Variants in PCDHGA6 observed in about 807,000 individuals in gnomAD.
PCDHGA6 encodes the protein protocadherin gamma subfamily A, 6, also known as protocadherin gamma-A6.
Under a neutral mutation model 60.6 loss-of-function variants are expected in PCDHGA6, and 41 were observed. That is an observed-to-expected ratio of 0.68 (90% CI 0.53 to 0.88). The LOEUF is 0.88. PCDHGA6 is among the 40% of genes least tolerant of loss of function. The pLI, the probability that PCDHGA6 is intolerant of heterozygous loss-of-function variation, is 0.00. For synonymous variants in PCDHGA6, 594 were observed against 524.4 expected (o/e 1.13, Z -1.81); for missense variants, 1,312 against 1,203.0 (o/e 1.09, Z -1.34).
chr5:141,489,312 G>A lies in PCDHGA6; in HGVS notation c.2425-5495G>A, dbSNP rs745541067. The A allele has an allele frequency of 2.5e-6, 4 of 1,594,972 alleles. No homozygotes were observed. The highest frequency in any genetic ancestry group is 2.6e-6 in the Non-Finnish European group (3 of 1,169,822). On this transcript the variant is annotated intron_variant, in intron 1 of 3. Transcript: ENST00000517434. This position sits in a 1 kb window ranked among gnomAD's most constrained non-coding sequence, Gnocchi z 4.5. ...TGTGCATGTTGTCCTTGTGCTGCTG[G>A]GGCTGGGTGTCTGGGCAGCTTCGTT...
chr5:141,390,340 A>T (rs762864171), intron 1 of PCDHGA6: 2 of 1,586,842 alleles, frequency 1.3e-6, no homozygotes, highest in South Asian at 2.3e-5. Context: ...CCATATTCAC[A>T]AGAAAATATA....
chr5:141,416,223 A>AT, intron 1 of PCDHGA6: 1 of 152,302 alleles, frequency 6.6e-6, no homozygotes, highest in East Asian at 1.9e-4. Flanking sequence ...GTATGCTTAG[A>AT]TTTTTCCAGC....
intron 1 of PCDHGA6, among the ~76,000 whole-genome samples, chr5:141,494,392 A>C (rs1296077484): frequency 1.3e-5 from 2 of 152,258 alleles, no homozygotes; most frequent in East Asian, 3.9e-4. Flanking sequence ...GAGTTGAATA[A>C]ATTCATTCTA....
rs761483041 is a variant in PCDHGA6, at chr5:141,376,059, C to A, written c.1976C>A (p.Thr659Lys). The A allele has an allele frequency of 6.2e-7, 1 of 1,613,280 alleles. No individual in the cohort carries two copies. The highest frequency in any genetic ancestry group is 1.7e-5 in the Admixed American group (1 of 59,992). The stretch of plus-strand genomic sequence containing the variant: ...CAGCCCCCTCTCTCCGCCACTGTCA[C>A]GCTCACCGTGGCCGTGGCCGACAGG... Reference protein sequence around the residue: ...HGQPPLSATVTLTVAVADRIP... With the variant: ...HGQPPLSATVKLTVAVADRIP... Residue 659 changes from threonine to lysine, a missense_variant, in exon 1 of 4, where the codon ACG becomes AAG. By Grantham distance (78) the Thr-to-Lys change is moderately conservative. Transcript: ENST00000517434.
intron 1 of PCDHGA6, among the ~76,000 whole-genome samples, chr5:141,454,796 ATTTTTTTTT>A (rs61612330): frequency 1.2e-4 from 9 of 77,408 alleles, no homozygotes; most frequent in Admixed American, 5.4e-4. Context: ...CATGGTTCTA[ATTTTTTTTT>A]TTTTTTTTTT....
At chr5:141,400,192 G>A (rs1411721247) in intron 1 of PCDHGA6, 1 of 1,614,088 alleles carries the variant, frequency 6.2e-7, no homozygotes, top group South Asian at 1.1e-5. Context: ...GTTTTACCTA[G>A]TGGTGGCCTT....
intron 1 of PCDHGA6, chr5:141,408,220 G>T: frequency 6.4e-7 from 1 of 1,558,994 alleles, no homozygotes; most frequent in Admixed American, 1.9e-5. Flanking sequence ...GGAGCTGCGC[G>T]CAGAGGCGCC....
chr5:141,410,158 G>T (rs755466762), intron 1 of PCDHGA6: 2 of 1,613,516 alleles, frequency 1.2e-6, no homozygotes, highest in Non-Finnish European at 8.5e-7. Context: ...GTGGACAGCC[G>T]CCACTCTCTG....
At position 141,430,258 on chromosome 5, in the gene PCDHGA6, A is replaced by G. The variant is rs542653323; in HGVS notation, c.2424+53751A>G. On this transcript the variant is annotated intron_variant, in intron 1 of 3. Coordinates refer to ENST00000517434, the MANE Select transcript of PCDHGA6 (RefSeq NM_018919.3). ...GAGAAACTCCTAGGGAGACATCTCC[A>G]TAATAGGTGTGTTGGGGGAACAGTA... is the stretch of plus-strand genomic sequence containing the variant. Among the ~76,000 whole-genome samples the G allele has an allele frequency of 5.4e-5, 8 of 148,074 alleles. No homozygotes were observed. In the South Asian group the frequency reaches 8.5e-4, roughly 16 times the overall value.
In PCDHGA6 at chr5:141,511,318, A is replaced by C; in HGVS notation, c.*145A>C. 2 of 1,476,400 alleles carry C rather than the reference A, an allele frequency of 1.4e-6. No homozygotes were observed. Among genetic ancestry groups the C allele is most frequent in the South Asian group, 2.7e-5 (2 of 72,796 alleles). 91.5% of individuals were successfully genotyped at this position (1,476,400 alleles called of 1,614,324 possible). On this transcript the variant is annotated 3_prime_UTR_variant, in exon 4 of 4. Transcript: ENST00000517434. The stretch of plus-strand genomic sequence containing the variant: ...GCCATGCTCCCCTTGGGAAACAGAA[A>C]CAAGTGCCCAGTCAGCACCTACCCC...
At chr5:141,492,161 TC>T (rs1269738341) in intron 1 of PCDHGA6, among the ~76,000 whole-genome samples, 2 of 152,142 alleles carry the variant, frequency 1.3e-5, no homozygotes, top group Admixed American at 6.5e-5. Context: ...ACCCTCCCTA[TC>T]CCCGCATCAC....
At chr5:141,427,087 A>G (rs1338132084) in intron 1 of PCDHGA6, 1 of 458,198 alleles carries the variant, frequency 2.2e-6, no homozygotes, top group Non-Finnish European at 4.4e-6. Flanking sequence ...ACTGACCAGG[A>G]TGAGGGTGTC....
Position 141,508,665 on chromosome 5 carries a change from C to T in PCDHGA6, c.2573-2282C>T, listed in dbSNP as rs181641281. ...CGTCAGGCCCTTCCTGTCATTCTGT[C>T]TCTGCCTCCCTTCTCCCTGCTTCTC... On this transcript the variant is annotated intron_variant, in intron 3 of 3. Coordinates refer to ENST00000517434, the MANE Select transcript of PCDHGA6 (RefSeq NM_018919.3). Among the ~76,000 whole-genome samples the T allele has an allele frequency of 3.7e-3, 564 of 152,254 alleles. 5 individuals carry two copies. Among genetic ancestry groups the T allele is most frequent in the Admixed American group, 0.011 (164 of 15,296 alleles).
rs1364415249 is a variant in PCDHGA6 at position 141,489,240 on chromosome 5, C to A, written c.2425-5567C>A. The stretch of plus-strand genomic sequence containing the variant: ...ACTCTCCACAAAGGGACTTCTGGGT[C>A]ATGGGGCCCAAGACACTCCCACAGC... On this transcript the variant is annotated intron_variant, in intron 1 of 3. Coordinates refer to ENST00000517434, the MANE Select transcript of PCDHGA6 (RefSeq NM_018919.3). The surrounding 1 kb of genome is among the most constrained non-coding windows in gnomAD (Gnocchi z 4.5). 1 of 1,534,136 alleles carries A rather than the reference C, an allele frequency of 6.5e-7. No individual in the cohort carries two copies. Among genetic ancestry groups the A allele is most frequent in the South Asian group, 1.3e-5 (1 of 76,896 alleles).
intron 1 of PCDHGA6, chr5:141,377,439 GA>G (rs1279056265): frequency 3.3e-5 from 5 of 151,486 alleles, no homozygotes; most frequent in Non-Finnish European, 2.9e-5. Flanking sequence ...CTACCAAAAA[GA>G]AAAAAAAGTA....
rs1256790840 is a variant in PCDHGA6, at chr5:141,392,835, C to T, written c.2424+16328C>T. 8 of 1,608,038 alleles carry T rather than the reference C, an allele frequency of 5.0e-6. No individual in the cohort carries two copies. In the South Asian group the frequency reaches 5.5e-5, roughly 11 times the overall value. On this transcript the variant is annotated intron_variant, in intron 1 of 3. Coordinates refer to ENST00000517434, the MANE Select transcript of PCDHGA6 (RefSeq NM_018919.3). The stretch of plus-strand genomic sequence containing the variant: ...AACAATGGCCGCTCCACAGAGTCGC[C>T]CCAGACGCGGCGAGCTGATCCTGCT...
Position 141,485,602 on chromosome 5 carries a change from G to A in PCDHGA6, c.2425-9205G>A, listed in dbSNP as rs766134158. On this transcript the variant is annotated intron_variant, in intron 1 of 3. Transcript: ENST00000517434. The surrounding 1 kb of genome is among the most constrained non-coding windows in gnomAD (Gnocchi z 5.7). ...GGCAGCAGCTGGACTTGGAAATTGG[G>A]GAGGCAGCTCCTCCAGGACAGCGTT... is the stretch of plus-strand genomic sequence containing the variant. 2.5e-6 allele frequency: 4 copies of A among 1,612,418 alleles called. No individual in the cohort carries two copies. In the Admixed American group the frequency reaches 5.0e-5, roughly 20 times the overall value.
chr5:141,410,788 C>A, intron 1 of PCDHGA6: 2 of 712,228 alleles, frequency 2.8e-6, no homozygotes, highest in Non-Finnish European at 4.0e-6. Context: ...GTATTTGGTT[C>A]ATAAGTTGCT....
intron 2 of PCDHGA6, among the ~76,000 whole-genome samples, chr5:141,503,950 C>T (rs1216385793): frequency 3.3e-5 from 5 of 152,180 alleles, no homozygotes; most frequent in Non-Finnish European, 7.3e-5. Flanking sequence ...CAAGGCCTAC[C>T]CTACAGCCTT....
Sources: allele counts gnomAD v4.1 joint callset (sites outside exome capture counted in the v4.1 genomes callset), GRCh38; gene constraint gnomAD v4.1.1; non-coding constraint Gnocchi (gnomAD v3.1); transcripts MANE v1.5; gene names NCBI Gene and HGNC (gene_info 2026-07-23, HGNC 2026-07-21).